LRRC28: variants seen among roughly 807,000 people sequenced by gnomAD.
LRRC28 encodes the protein leucine rich repeat containing 28, also known as leucine-rich repeat-containing protein 28.
LRRC28 carries 39 observed loss-of-function variants against 45.7 expected under a neutral mutation model. That is an observed-to-expected ratio of 0.85 (90% confidence interval 0.66 to 1.12). The LOEUF is 1.12. LRRC28 is among the 50% of genes most tolerant of loss of function. LRRC28 has a pLI of 0.00. For synonymous variants in LRRC28, 206 were observed against 178.8 expected, an observed-to-expected ratio of 1.15 and a Z score of -1.22; for missense variants, 435 against 438.5, an observed-to-expected ratio of 0.99 and a Z score of 0.07.
chr15:99,258,537 TATG>T, intron 2 of LRRC28: 1 of 744,940 alleles, frequency 1.3e-6, no homozygotes. Context: ...AGAAGAATCT[TATG>T]ATGAAGCTGC....
At chr15:99,375,845 T>A (rs1271930397) in intron 9 of LRRC28, among the ~76,000 whole-genome samples, 1 of 152,126 alleles carries the variant, frequency 6.6e-6, no homozygotes, top group Non-Finnish European at 1.5e-5. Context: ...ATTCGTGTGT[T>A]CTCTCTTTTT....
intron 6 of LRRC28, among the ~76,000 whole-genome samples, chr15:99,335,667 C>G (rs1956298018): frequency 6.6e-6 from 1 of 151,986 alleles, no homozygotes; most frequent in South Asian, 2.1e-4. Flanking sequence ...TACCCTGTCT[C>G]TAAAAATTTT....
chr15:99,329,189 A>G (rs1044437131), intron 5 of LRRC28, among the ~76,000 whole-genome samples: 14 of 152,178 alleles, frequency 9.2e-5, no homozygotes, highest in African/African-American at 3.1e-4. Flanking sequence ...AGGCTACTTA[A>G]TGGTAAAAGA....
chr15:99,321,568 G>C (rs1368740826), intron 5 of LRRC28, among the ~76,000 whole-genome samples: 1 of 152,158 alleles, frequency 6.6e-6, no homozygotes, highest in Non-Finnish European at 1.5e-5. Flanking sequence ...AGCAGTCTTG[G>C]ATTTCACTTT....
chr15:99,368,767 C>G (rs567113505), intron 9 of LRRC28, among the ~76,000 whole-genome samples: 2 of 152,158 alleles, frequency 1.3e-5, no homozygotes, highest in Non-Finnish European at 2.9e-5. Context: ...AAACCATTGT[C>G]CAGCCACACT....
chr15:99,283,477 G>C (rs954250861), intron 3 of LRRC28, among the ~76,000 whole-genome samples: 1 of 151,438 alleles, frequency 6.6e-6, no homozygotes, highest in Admixed American at 6.6e-5. Flanking sequence ...TTAGCCGGGT[G>C]TGGTGGTGCG....
chr15:99,326,333 C>G (rs1279737329), intron 5 of LRRC28, among the ~76,000 whole-genome samples: 1 of 152,214 alleles, frequency 6.6e-6, no homozygotes, highest in African/African-American at 2.4e-5. Context: ...TAATCACATT[C>G]TAGTTTATTC....
intron 5 of LRRC28, among the ~76,000 whole-genome samples, chr15:99,298,280 G>C (rs1429125577): frequency 1.3e-4 from 20 of 152,198 alleles, no homozygotes; most frequent in Admixed American, 1.3e-3. Context: ...TGCTGTATGG[G>C]AACAGTGATG....
At chr15:99,251,861 A>G (rs1308553064) in intron 1 of LRRC28, 1 of 152,242 alleles carries the variant, frequency 6.6e-6, no homozygotes, top group East Asian at 1.9e-4. Flanking sequence ...AGACTCTGCC[A>G]GTGTTTGTTA....
intron 9 of LRRC28, among the ~76,000 whole-genome samples, chr15:99,376,934 C>T (rs1408492078): frequency 6.6e-6 from 1 of 152,176 alleles, no homozygotes; most frequent in African/African-American, 2.4e-5. Flanking sequence ...TTTCTTAATC[C>T]AGTCTATCAT....
intron 2 of LRRC28, among the ~76,000 whole-genome samples, chr15:99,260,591 C>G (rs1355020584): frequency 6.6e-6 from 1 of 152,218 alleles, no homozygotes. Context: ...CCAAAGCCCA[C>G]CCATTGCCTG....
Position 99,361,454 on chromosome 15 carries a change from C to A in LRRC28, c.814C>A (p.Pro272Thr). 1.2e-6 allele frequency: 2 copies of A among 1,613,850 alleles called. No individual in the cohort carries two copies. The highest frequency in any genetic ancestry group is 1.7e-6 in the Non-Finnish European group (2 of 1,179,920). Residue 272 changes from proline (P) to threonine (T), a missense_variant, in exon 8 of 10, where the codon CCT becomes ACT. Physicochemically the swap from Pro to Thr is conservative, Grantham distance 38 (BLOSUM62 -1). Coordinates refer to ENST00000301981, the MANE Select transcript of LRRC28 (RefSeq NM_144598.5). ...AGGGACGGAGCATGATCACGTCCTC[C>A]CTCTGCAGGAATTGGCTATGAGAGG... ...AIGTEHDHVLPLQELAMRGLY... is the reference protein window; with the variant it reads ...AIGTEHDHVLTLQELAMRGLY...
chr15:99,285,394 A>G, intron 3 of LRRC28: 2 of 745,156 alleles, frequency 2.7e-6, no homozygotes, highest in Non-Finnish European at 2.5e-6. Flanking sequence ...CCGCAGTGGT[A>G]TAGTGACAAA....
chr15:99,307,037 GA>G (rs1955209513), intron 5 of LRRC28, among the ~76,000 whole-genome samples: 2 of 152,202 alleles, frequency 1.3e-5, no homozygotes, highest in African/African-American at 4.8e-5. Context: ...TTCATTGTCA[GA>G]ATGGGGCCAG....
At chr15:99,275,900 C>T (rs57833215) in intron 2 of LRRC28, among the ~76,000 whole-genome samples, 2 of 152,274 alleles carry the variant, frequency 1.3e-5, no homozygotes, top group African/African-American at 2.4e-5. Flanking sequence ...AGGAACGGGG[C>T]CGCACAGCAG....
intron 6 of LRRC28, among the ~76,000 whole-genome samples, chr15:99,349,044 G>T (rs1467171212): frequency 1.3e-5 from 2 of 151,984 alleles, no homozygotes; most frequent in Non-Finnish European, 2.9e-5. Context: ...TATCATAAAT[G>T]GGATTGTTTT....
At chr15:99,253,171 A>T (rs961734175) in intron 1 of LRRC28, among the ~76,000 whole-genome samples, 4 of 151,032 alleles carry the variant, frequency 2.6e-5, no homozygotes, top group African/African-American at 7.3e-5. Context: ...CTCAGGTTGG[A>T]GTGCAGTGGT....
At chr15:99,261,314 A>G (rs924664924) in intron 2 of LRRC28, among the ~76,000 whole-genome samples, 3 of 152,264 alleles carry the variant, frequency 2.0e-5, no homozygotes, top group African/African-American at 7.2e-5. Flanking sequence ...AGCAACCAAC[A>G]TTAATAGTTG....
chr15:99,315,844 C>G (rs1325811369), intron 5 of LRRC28, among the ~76,000 whole-genome samples: 1 of 152,238 alleles, frequency 6.6e-6, no homozygotes, highest in Non-Finnish European at 1.5e-5. Context: ...CCAGGAATTC[C>G]AGGATATAGT....
Sources: gnomAD v4.1 joint callset for allele counts (sites outside exome capture counted in the v4.1 genomes callset) on GRCh38, gnomAD v4.1.1 for gene constraint, MANE v1.5 for transcripts, NCBI Gene and HGNC (gene_info 2026-07-23, HGNC 2026-07-21) for gene names.